The following UNC13C variants were observed in gnomAD, a reference collection of about 807,000 sequenced individuals.
UNC13C encodes the protein protein unc-13 homolog C.
In UNC13C, 174 loss-of-function variants were observed where a neutral mutation model predicts 245.4. The observed-to-expected ratio is 0.71, with a 90% CI of 0.63 to 0.80. The LOEUF (loss-of-function observed/expected upper bound fraction) is 0.80. Among genes scored for constraint, UNC13C ranks in the 30% least tolerant of loss-of-function variants. The probability of loss-of-function intolerance (pLI) is 0.00; values close to 1 mark genes in which losing one functional copy is unlikely to be tolerated. For synonymous variants in UNC13C, 992 were observed against 895.1 expected (o/e 1.11, Z -1.93); for missense variants, 2,829 against 2,602.9 (o/e 1.09, Z -1.89).
rs1216375287 is a variant in UNC13C, at chr15:54,143,055, T to C, written c.3006+15T>C. 1.2e-6 allele frequency: 2 copies of C among 1,608,272 alleles called. No individual in the cohort carries two copies. Among genetic ancestry groups the C allele is most frequent in the Middle Eastern group, 1.7e-4 (1 of 6,058 alleles). Reference sequence around the variant, plus strand: ...TGGATGAAAAGGTTTTAAATCATACTTATTCTTCCCTCCTGAGGAATCTTG... The same window carrying C: ...TGGATGAAAAGGTTTTAAATCATACCTATTCTTCCCTCCTGAGGAATCTTG... On this transcript the variant is annotated intron_variant, in intron 3 of 32. Transcript: ENST00000260323.
chr15:54,274,892 A>C (rs1269245266), intron 10 of UNC13C, among the ~76,000 whole-genome samples: 2 of 151,914 alleles, frequency 1.3e-5, no homozygotes, highest in African/African-American at 4.8e-5. Flanking sequence ...GGATGGTCTC[A>C]ATCTCCTGAC....
chr15:54,159,763 A>G (rs938861826), intron 4 of UNC13C, among the ~76,000 whole-genome samples: 1 of 152,214 alleles, frequency 6.6e-6, no homozygotes, highest in Non-Finnish European at 1.5e-5. Context: ...AACATCAGCT[A>G]AGAAACATGA....
chr15:54,580,012 A>C (rs545164247), intron 30 of UNC13C, among the ~76,000 whole-genome samples: 1 of 152,190 alleles, frequency 6.6e-6, no homozygotes, highest in Non-Finnish European at 1.5e-5. Flanking sequence ...AGTAAAACAG[A>C]GGTTAGAATA....
At chr15:54,171,426 TAA>T (rs78208532) in intron 4 of UNC13C, among the ~76,000 whole-genome samples, 1 of 151,806 alleles carries the variant, frequency 6.6e-6, no homozygotes, top group Non-Finnish European at 1.5e-5. Flanking sequence ...ATAATCCGAT[TAA>T]AAAAATGGGA....
At chr15:54,185,284 A>G (rs1018742484) in intron 4 of UNC13C, among the ~76,000 whole-genome samples, 4 of 152,044 alleles carry the variant, frequency 2.6e-5, no homozygotes, top group Non-Finnish European at 4.4e-5. Context: ...ATTAGATCCC[A>G]TCTGTCAACT....
At chr15:54,414,023 GACTGAAAAC>G (rs1352803069) in intron 18 of UNC13C, among the ~76,000 whole-genome samples, 1 of 152,136 alleles carries the variant, frequency 6.6e-6, no homozygotes, top group African/African-American at 2.4e-5. Context: ...CTTATCATGA[GACTGAAAAC>G]ACATGCAAAC....
At chr15:54,359,075 A>C (rs533611328) in intron 17 of UNC13C, among the ~76,000 whole-genome samples, 1 of 151,894 alleles carries the variant, frequency 6.6e-6, no homozygotes, top group Non-Finnish European at 1.5e-5. Flanking sequence ...TGAAATATTC[A>C]TATTTGATTT....
intron 2 of UNC13C, among the ~76,000 whole-genome samples, chr15:54,019,402 G>A (rs917164763): frequency 6.6e-6 from 1 of 152,156 alleles, no homozygotes; most frequent in African/African-American, 2.4e-5. Flanking sequence ...CTAAGTTTCT[G>A]GGACTCTCAG....
the UNC13C span, among the ~76,000 whole-genome samples, chr15:53,896,425 T>C: frequency 6.6e-6 from 1 of 152,164 alleles, no homozygotes; most frequent in Non-Finnish European, 1.5e-5. Context: ...CTTGTGTATT[T>C]GTTTAGCAAA....
chr15:54,202,852 A>G (rs1295013274), intron 4 of UNC13C, among the ~76,000 whole-genome samples: 1 of 152,098 alleles, frequency 6.6e-6, no homozygotes, highest in African/African-American at 2.4e-5. Context: ...CGGCACAGCA[A>G]AAGAAATAAA....
At chr15:54,103,557 A>G (rs1484509790) in intron 2 of UNC13C, among the ~76,000 whole-genome samples, 1 of 152,128 alleles carries the variant, frequency 6.6e-6, no homozygotes, top group African/African-American at 2.4e-5. Flanking sequence ...TGCAAACCCA[A>G]CACAATCCTT....
In UNC13C at chr15:54,537,527, G is replaced by GTAAT. The variant is rs1407477194; in HGVS notation, c.5696+4462_5696+4465dup. Among the ~76,000 whole-genome samples, 7 of 151,924 alleles carry GTAAT rather than the reference G, an allele frequency of 4.6e-5. 1 individual carries two copies. Among genetic ancestry groups the GTAAT allele is most frequent in the African/African-American group, 1.7e-4 (7 of 41,492 alleles). ...CCAAAAAAGAGTCTGAATAGTCAAA[G>GTAAT]TAATCCTAAGCAAAAAGAACAAAGC... is the stretch of plus-strand genomic sequence containing the variant. On this transcript the variant is annotated intron_variant, in intron 26 of 32. Coordinates refer to ENST00000260323, the MANE Select transcript of UNC13C (RefSeq NM_001080534.3).
intron 17 of UNC13C, among the ~76,000 whole-genome samples, chr15:54,380,915 T>C (rs1049545973): frequency 6.6e-6 from 1 of 152,214 alleles, no homozygotes; most frequent in Non-Finnish European, 1.5e-5. Context: ...AAGCTGTCCC[T>C]TCACTATTTT....
intron 13 of UNC13C, among the ~76,000 whole-genome samples, chr15:54,309,911 T>C (rs1386775091): frequency 6.6e-6 from 1 of 151,900 alleles, no homozygotes; most frequent in African/African-American, 2.4e-5. Flanking sequence ...ATCATCTTTT[T>C]AGAGTTTATT....
At chr15:54,354,567 T>G (rs1276970704) in intron 17 of UNC13C, among the ~76,000 whole-genome samples, 1 of 152,166 alleles carries the variant, frequency 6.6e-6, no homozygotes, top group Non-Finnish European at 1.5e-5. Flanking sequence ...CTAATTAAAC[T>G]TGGCACTGAC....
chr15:54,223,475 T>C (rs1273201606), intron 4 of UNC13C, among the ~76,000 whole-genome samples: 1 of 152,152 alleles, frequency 6.6e-6, no homozygotes, highest in Non-Finnish European at 1.5e-5. Flanking sequence ...GCCAGTGCCA[T>C]GCTATTTTGG....
At chr15:53,998,833 C>A (rs1566939327) in intron 1 of UNC13C, among the ~76,000 whole-genome samples, 3 of 151,600 alleles carry the variant, frequency 2.0e-5, no homozygotes, top group African/African-American at 7.3e-5. Flanking sequence ...TGTTAAGTGC[C>A]TTTTTTTTCT....
At chr15:54,387,075 C>T (rs533372070) in intron 17 of UNC13C, among the ~76,000 whole-genome samples, 1 of 152,120 alleles carries the variant, frequency 6.6e-6, no homozygotes, top group Non-Finnish European at 1.5e-5. Context: ...GATGGTGAAC[C>T]CCAATATTGG....
chr15:54,584,593 G>C (rs557457649), intron 30 of UNC13C, among the ~76,000 whole-genome samples: 1 of 152,340 alleles, frequency 6.6e-6, no homozygotes, highest in Admixed American at 6.5e-5. Flanking sequence ...AGATGAACTG[G>C]AAATGGAAGA....
Sources: allele counts gnomAD v4.1 joint callset (sites outside exome capture counted in the v4.1 genomes callset), GRCh38; gene constraint gnomAD v4.1.1; transcripts MANE v1.5; gene names NCBI Gene and HGNC (gene_info 2026-07-23, HGNC 2026-07-21).